Variants in ARID5B observed in about 807,000 individuals in gnomAD.
The protein encoded by ARID5B is AT-rich interaction domain 5B, also known as AT-rich interactive domain-containing protein 5B.
A neutral mutation model predicts 97.2 loss-of-function variants in ARID5B; 13 were observed. That is an observed-to-expected ratio of 0.13 (90% CI 0.09 to 0.21). The LOEUF (loss-of-function observed/expected upper bound fraction) is 0.21, where lower values mean the gene tolerates loss of function less well. Among genes scored for constraint, ARID5B ranks in the 10% least tolerant of loss-of-function variants. ARID5B has a pLI of 1.00. For synonymous variants in ARID5B, 556 were observed against 570.3 expected (o/e 0.97, Z 0.36); for missense variants, 1,210 against 1,465.3 (o/e 0.83, Z 2.84).
rs1365419985 is a variant in ARID5B at position 62,041,374 on chromosome 10, A to G, written c.734-9514A>G. 3.9e-5 allele frequency among the ~76,000 whole-genome samples: 6 copies of G among 152,218 alleles called. No homozygotes were observed. In the East Asian group the frequency reaches 1.2e-3, roughly 29 times the overall value. ...GGAAGGGTGAGAGGGATTTGCCTGA[A>G]CAAAGAAAAATGTCTCCGAATCTCA... On this transcript the variant is annotated intron_variant, in intron 4 of 9. Coordinates refer to ENST00000279873, the MANE Select transcript of ARID5B (RefSeq NM_032199.3).
Position 61,901,704 on chromosome 10 carries a change from G to C in ARID5B, c.-6G>C. On this transcript the variant is annotated 5_prime_UTR_variant, in exon 1 of 10. Coordinates refer to ENST00000279873, the MANE Select transcript of ARID5B (RefSeq NM_032199.3). ...ATGTTGAGTTCAATCAATTCAGAAC[G>C]TCGAGATGGAGCCCAACTCACTCCA... 6.2e-7 allele frequency: 1 copy of C among 1,613,898 alleles called. No homozygotes were observed. The highest frequency in any genetic ancestry group is 8.5e-7 in the Non-Finnish European group (1 of 1,179,962).
At chr10:61,948,290 C>T (rs1838269152) in intron 3 of ARID5B, among the ~76,000 whole-genome samples, 1 of 151,764 alleles carries the variant, frequency 6.6e-6, no homozygotes, top group African/African-American at 2.4e-5. Context: ...TTCTAACAGT[C>T]GTCAGGCCTC....
rs1365404953 is a variant in ARID5B at position 61,983,726 on chromosome 10, G to C, written c.503-16365G>C. On this transcript the variant is annotated intron_variant, in intron 3 of 9. Coordinates refer to ENST00000279873, the MANE Select transcript of ARID5B (RefSeq NM_032199.3). ...CGTATGAAGCACTTGCCCCATGGAA[G>C]TTGTGGCAAGCCAAGTGCCAGAAAA... 4.0e-5 allele frequency among the ~76,000 whole-genome samples: 6 copies of C among 151,420 alleles called. No individual in the cohort carries two copies. In the East Asian group the frequency reaches 1.2e-3, roughly 29 times the overall value.
chr10:61,999,909 C>T (rs74768325), intron 3 of ARID5B, among the ~76,000 whole-genome samples, 182 bp from the exon 4 acceptor site: 1,925 of 152,148 alleles, frequency 0.013, 45 homozygotes, highest in East Asian at 0.096. Flanking sequence ...TAGCCTGAAG[C>T]GTATTCTGTG....
intron 2 of ARID5B, among the ~76,000 whole-genome samples, chr10:61,921,944 C>A (rs907629852): frequency 2.6e-5 from 4 of 152,282 alleles, no homozygotes; most frequent in Non-Finnish European, 5.9e-5. Context: ...CTGGCTCAAG[C>A]GATCCTCCCA....
At chr10:62,031,303 A>G (rs1839494816) in intron 4 of ARID5B, among the ~76,000 whole-genome samples, 2 of 152,250 alleles carry the variant, frequency 1.3e-5, no homozygotes, top group Non-Finnish European at 2.9e-5. Context: ...TCTTGGACAC[A>G]GACAAAGAGG....
At chr10:61,902,060 A>G (rs1843625647) in intron 1 of ARID5B, 99 bp from the exon 2 acceptor site, 1 of 1,430,012 alleles carries the variant, frequency 7.0e-7, no homozygotes, top group African/African-American at 1.5e-5. Context: ...GGTCGTCTGT[A>G]TTAAGAGAGT....
chr10:61,925,499 A>G (rs1047195193), intron 2 of ARID5B, among the ~76,000 whole-genome samples: 49 of 152,304 alleles, frequency 3.2e-4, no homozygotes, highest in African/African-American at 1.0e-3. Flanking sequence ...GCCAGAGAAA[A>G]AGTAGGCAGG....
At chr10:61,962,348 A>G (rs1443570935) in intron 3 of ARID5B, among the ~76,000 whole-genome samples, 2 of 152,264 alleles carry the variant, frequency 1.3e-5, no homozygotes, top group Admixed American at 6.5e-5. Flanking sequence ...GAAGGCTCAC[A>G]TCTGTGTTGC....
intron 8 of ARID5B, among the ~76,000 whole-genome samples, chr10:62,076,018 C>G (rs1450517288): frequency 6.6e-6 from 1 of 152,220 alleles, no homozygotes; most frequent in Non-Finnish European, 1.5e-5. Context: ...TGAGAATTGG[C>G]TGGCAAACAA....
chr10:62,074,083 GA>G (rs1477577370), intron 8 of ARID5B, among the ~76,000 whole-genome samples: 4 of 152,074 alleles, frequency 2.6e-5, no homozygotes, highest in Non-Finnish European at 5.9e-5. Flanking sequence ...CATGCAGGGG[GA>G]AAAAAATCTT....
chr10:62,027,286 T>C (rs1173873024), intron 4 of ARID5B, among the ~76,000 whole-genome samples: 13 of 6,078 alleles, frequency 2.1e-3, no homozygotes, highest in African/African-American at 6.9e-3. Flanking sequence ...CAGTATCTCC[T>C]TTTTTTTTTT....
intron 9 of ARID5B, among the ~76,000 whole-genome samples, chr10:62,086,477 G>T (rs563064082): frequency 6.6e-6 from 1 of 151,870 alleles, no homozygotes; most frequent in African/African-American, 2.4e-5. Context: ...TGAGGCGGGC[G>T]GATCACAAGG....
At chr10:62,042,318 A>C (rs953180015) in intron 4 of ARID5B, among the ~76,000 whole-genome samples, 1 of 152,196 alleles carries the variant, frequency 6.6e-6, no homozygotes, top group Non-Finnish European at 1.5e-5. Context: ...TTGAGAGAGG[A>C]GCCTGGGGCC....
chr10:62,043,748 T>A (rs1839670266), intron 4 of ARID5B, among the ~76,000 whole-genome samples: 1 of 152,236 alleles, frequency 6.6e-6, no homozygotes, highest in Admixed American at 6.5e-5. Context: ...ATCACATGCC[T>A]AAGAAATTAC....
intron 3 of ARID5B, among the ~76,000 whole-genome samples, chr10:61,941,515 G>C (rs534019218): frequency 1.3e-5 from 2 of 150,506 alleles, no homozygotes; most frequent in African/African-American, 4.9e-5. Flanking sequence ...ACAACTTCCT[G>C]GTTTTTTTTT....
chr10:62,027,285 CTTTTTTTTTTTTTTTTTTTTTTTTT>C (rs777291593), intron 4 of ARID5B, among the ~76,000 whole-genome samples: 20 of 67,406 alleles, frequency 3.0e-4, no homozygotes, highest in Admixed American at 7.0e-4. Context: ...ACAGTATCTC[CTTTTTTTTTTTTTTTTTTTTTTTTT>C]TTTTTTTTTT....
In ARID5B at chr10:61,902,278, G is replaced by A. The variant is rs146874158; in HGVS notation, c.141G>A (p.Thr47=). 2.2e-5 allele frequency: 35 copies of A among 1,613,930 alleles called. No individual in the cohort carries two copies. The Admixed American group carries it at 4.8e-4, about 22-fold the overall frequency. The change falls in exon 2 of 10, where the codon ACG becomes ACA. Residue 47 remains threonine, a synonymous_variant. Transcript: ENST00000279873. The part of the protein sequence containing the change: ...SLGDFFFVRC[T]PKDPICIAEL... ...GCGACTTTTTCTTTGTAAGATGTAC[G>A]CCAAAGGATCCGATTTGCATAGCGG...
intron 4 of ARID5B, among the ~76,000 whole-genome samples, chr10:62,037,172 G>A (rs745497205): frequency 6.6e-6 from 1 of 152,206 alleles, no homozygotes; most frequent in African/African-American, 2.4e-5. Flanking sequence ...TATGGATCAA[G>A]TAATCCAAAG....
Sources: allele counts gnomAD v4.1 joint callset (sites outside exome capture counted in the v4.1 genomes callset), GRCh38; gene constraint gnomAD v4.1.1; transcripts MANE v1.5; gene names NCBI Gene and HGNC (gene_info 2026-07-23, HGNC 2026-07-21).